The following LRCH1 variants were observed in gnomAD, a reference collection of about 807,000 sequenced individuals.
LRCH1 encodes the protein leucine rich repeats and calponin homology domain containing 1.
Under a neutral mutation model 94.9 loss-of-function variants are expected in LRCH1, and 23 were observed. The ratio of observed to expected loss-of-function variants is 0.24; its 90% CI spans 0.17 to 0.34. The LOEUF is 0.34. LRCH1 is among the 10% of genes least tolerant of loss of function. The pLI, the probability that LRCH1 is intolerant of heterozygous loss-of-function variation, is 1.00. For synonymous variants in LRCH1, 364 were observed against 354.9 expected, an observed-to-expected ratio of 1.03 and a Z score of -0.29; for missense variants, 790 against 945.9, an observed-to-expected ratio of 0.84 and a Z score of 2.16.
At chr13:46,629,545 C>T (rs1212133804) in intron 1 of LRCH1, among the ~76,000 whole-genome samples, 1 of 152,142 alleles carries the variant, frequency 6.6e-6, no homozygotes, top group Non-Finnish European at 1.5e-5. Flanking sequence ...TTCAGCAAGC[C>T]CCAGCATCCT....
rs185733896 is a variant in LRCH1 at position 46,608,355 on chromosome 13, A to G, written c.308-41846A>G. Among the ~76,000 whole-genome samples, 196 of 152,304 alleles carry G rather than the reference A, an allele frequency of 1.3e-3. 1 individual carries two copies. Among genetic ancestry groups the G allele is most frequent in the African/African-American group, 3.1e-3 (128 of 41,562 alleles). ...CATACGCACTGTGTTTCTGTGGCCC[A>G]TCATAGTTTCCACTGATGGTGCCAT... On this transcript the variant is annotated intron_variant, in intron 1 of 19. Transcript: ENST00000389797.
intron 13 of LRCH1, among the ~76,000 whole-genome samples, chr13:46,711,059 G>T (rs1410518182): frequency 6.6e-6 from 1 of 152,020 alleles, no homozygotes; most frequent in African/African-American, 2.4e-5. Flanking sequence ...CATGCCTCAG[G>T]TTCCCCTCTG....
intron 19 of LRCH1, among the ~76,000 whole-genome samples, chr13:46,735,964 G>T (rs7987157): frequency 0.059 from 8,900 of 151,598 alleles, 846 homozygotes; most frequent in African/African-American, 0.2. Flanking sequence ...GCCCAGCTAA[G>T]TTTTGTATTT....
intron 1 of LRCH1, among the ~76,000 whole-genome samples, chr13:46,628,791 T>C (rs1190322692): frequency 6.6e-6 from 1 of 152,096 alleles, no homozygotes; most frequent in African/African-American, 2.4e-5. Context: ...CTTCTGTTAC[T>C]TGGAGATATA....
rs1305839247 is a variant in LRCH1 at position 46,553,417 on chromosome 13, A to G, written c.21A>G (p.Glu7=). The G allele has an allele frequency of 1.3e-6, 2 of 1,544,492 alleles. No individual in the cohort carries two copies. Among genetic ancestry groups the G allele is most frequent in the Non-Finnish European group, 1.7e-6 (2 of 1,145,842 alleles). The change falls in exon 1 of 20, where the codon GAA becomes GAG. Residue 7 remains glutamate, a synonymous_variant. Transcript: ENST00000389797. The stretch of plus-strand genomic sequence containing the variant: ...AGAAGATGGCGACGCCGGGAAGCGA[A>G]CCCCAACCTTTCGTCCCGGCCCTTT... The part of the protein sequence containing the change: MATPGS[E]PQPFVPALSV...
At chr13:46,656,536 A>G (rs2051371841) in intron 2 of LRCH1, among the ~76,000 whole-genome samples, 1 of 152,232 alleles carries the variant, frequency 6.6e-6, no homozygotes, top group Non-Finnish European at 1.5e-5. Flanking sequence ...TGTTTTGTGA[A>G]ATGACAGATC....
At chr13:46,666,101 T>C (rs2051511753) in intron 2 of LRCH1, among the ~76,000 whole-genome samples, 2 of 152,312 alleles carry the variant, frequency 1.3e-5, no homozygotes, top group South Asian at 4.1e-4. Flanking sequence ...CCCAGGTCTG[T>C]GGCCTGCTGT....
exon 19 of LRCH1, chr13:46,750,971 A>C (rs922168391): frequency 5.2e-6 from 1 of 190,712 alleles, no homozygotes. Flanking sequence ...GCCAAGCACA[A>C]CCGTTTTGCA....
intron 16 of LRCH1, among the ~76,000 whole-genome samples, chr13:46,718,025 G>A (rs2138209892): frequency 6.6e-6 from 1 of 152,292 alleles, no homozygotes; most frequent in East Asian, 1.9e-4. Flanking sequence ...AGCTGGATGG[G>A]ACAGCTTTAA....
chr13:46,640,751 G>A (rs2051148037), intron 1 of LRCH1, among the ~76,000 whole-genome samples: 1 of 152,216 alleles, frequency 6.6e-6, no homozygotes, highest in Non-Finnish European at 1.5e-5. Context: ...TGCTATGTTA[G>A]AAGGTTATTT....
At chr13:46,610,046 A>T (rs2050731054) in intron 1 of LRCH1, among the ~76,000 whole-genome samples, 1 of 152,166 alleles carries the variant, frequency 6.6e-6, no homozygotes, top group African/African-American at 2.4e-5. Context: ...CATGGCCGGC[A>T]GTTGGGCCCT....
chr13:46,723,840 T>G (rs1872696024), intron 17 of LRCH1, among the ~76,000 whole-genome samples: 2 of 151,750 alleles, frequency 1.3e-5, no homozygotes, highest in African/African-American at 4.8e-5. Context: ...CTTAGTGGAG[T>G]TTTGTGAGGA....
exon 19 of LRCH1, chr13:46,750,742 C>A: frequency 1.3e-6 from 1 of 753,684 alleles, no homozygotes; most frequent in Non-Finnish European, 2.2e-6. Flanking sequence ...CTCTCCCACC[C>A]ACTGCCTGTC....
At chr13:46,689,645 C>G (rs1460699507) in intron 7 of LRCH1, among the ~76,000 whole-genome samples, 1 of 152,096 alleles carries the variant, frequency 6.6e-6, no homozygotes, top group Non-Finnish European at 1.5e-5. Flanking sequence ...AGTTGATCCA[C>G]AGGAAATGCA....
At chr13:46,605,507 ACTCCTCCTCCTC>A (rs372999128) in intron 1 of LRCH1, among the ~76,000 whole-genome samples, 2 of 146,782 alleles carry the variant, frequency 1.4e-5, no homozygotes, top group African/African-American at 2.5e-5. Flanking sequence ...AGATGAGGGC[ACTCCTCCTCCTC>A]CTCCTCCTCC....
At chr13:46,713,965 C>T (rs1404921370) in intron 15 of LRCH1, among the ~76,000 whole-genome samples, 1 of 152,180 alleles carries the variant, frequency 6.6e-6, no homozygotes, top group Non-Finnish European at 1.5e-5. Flanking sequence ...AATGGATCTT[C>T]AGAGAATAAT....
intron 2 of LRCH1, among the ~76,000 whole-genome samples, chr13:46,660,004 A>G (rs965222894): frequency 6.8e-6 from 1 of 147,120 alleles, no homozygotes. Context: ...CGGTAAAGGA[A>G]GTCTCACTTT....
chr13:46,658,527 C>T (rs1049834592), intron 2 of LRCH1, among the ~76,000 whole-genome samples: 6 of 152,122 alleles, frequency 3.9e-5, no homozygotes, highest in East Asian at 1.9e-4. Flanking sequence ...TCACTCAGGC[C>T]GGAGTGCAGT....
intron 1 of LRCH1, among the ~76,000 whole-genome samples, chr13:46,600,184 G>A (rs1373938771): frequency 6.6e-6 from 1 of 152,192 alleles, no homozygotes; most frequent in Admixed American, 6.5e-5. Flanking sequence ...ACCACACCCG[G>A]CCAGGCTTTT....
Sources: gnomAD v4.1 joint callset for allele counts (sites outside exome capture counted in the v4.1 genomes callset) on GRCh38, gnomAD v4.1.1 for gene constraint, MANE v1.5 for transcripts, NCBI Gene and HGNC (gene_info 2026-07-23, HGNC 2026-07-21) for gene names.